Variants in HPCAL1 observed in about 807,000 individuals in gnomAD.
HPCAL1 encodes hippocalcin-like protein 1.
HPCAL1 carries 8 observed loss-of-function variants against 17.1 expected under a neutral mutation model. The observed-to-expected ratio is 0.47, with a 90% confidence interval of 0.27 to 0.84. HPCAL1 has a LOEUF of 0.84. Among genes scored for constraint, HPCAL1 ranks in the 40% least tolerant of loss-of-function variants. The pLI is 0.13. For missense variants in HPCAL1, 165 were observed against 271.1 expected, an observed-to-expected ratio of 0.61 and a Z score of 2.75; for synonymous variants, 112 against 111.4, an observed-to-expected ratio of 1.01 and a Z score of -0.03.
chr2:10,365,920 A>T lies in HPCAL1; in HGVS notation c.-110-30915A>T, dbSNP rs1666820958. On this transcript the variant is annotated intron_variant, in intron 1 of 4. Transcript: ENST00000307845. This position sits in a 1 kb window ranked among gnomAD's most constrained non-coding sequence, Gnocchi z 4.8. ...TCGGCCTCCCATTGAGATCAGCTATACGTGATATAGACCAGGGATGCACGC... is the reference window on the plus strand; with the variant it reads ...TCGGCCTCCCATTGAGATCAGCTATTCGTGATATAGACCAGGGATGCACGC... Among the ~76,000 whole-genome samples, 1 of 152,144 alleles carries T rather than the reference A, an allele frequency of 6.6e-6. No homozygotes were observed. The highest frequency in any genetic ancestry group is 2.4e-5 in the African/African-American group (1 of 41,424).
intron 1 of HPCAL1, among the ~76,000 whole-genome samples, chr2:10,355,450 C>CA (rs34600690): frequency 0.083 from 2,679 of 32,214 alleles, 696 homozygotes; most frequent in East Asian, 0.16. Context: ...GACTCCGTCT[C>CA]AAAAAAAAAA....
intron 1 of HPCAL1, among the ~76,000 whole-genome samples, chr2:10,355,233 C>T (rs891207248): frequency 3.5e-4 from 53 of 151,988 alleles, no homozygotes; most frequent in Non-Finnish European, 6.9e-4. Flanking sequence ...GGGCGGATCA[C>T]GAGGTCAGGA....
At position 10,359,978 on chromosome 2, in the gene HPCAL1, A is replaced by G. The variant is rs1572715205; in HGVS notation, c.-110-36857A>G. 6.6e-6 allele frequency among the ~76,000 whole-genome samples: 1 copy of G among 151,736 alleles called. No homozygotes were observed. The highest frequency in any genetic ancestry group is 2.1e-4 in the South Asian group (1 of 4,834). Reference sequence around the variant, plus strand: ...CCACCAGGTTTGATGTGGGCTGAGCACACCGTCACTAACTCATTCCTTCAT... The same window carrying G: ...CCACCAGGTTTGATGTGGGCTGAGCGCACCGTCACTAACTCATTCCTTCAT... On this transcript the variant is annotated intron_variant, in intron 1 of 4. Coordinates refer to ENST00000307845, the MANE Select transcript of HPCAL1 (RefSeq NM_002149.4). This position sits in a 1 kb window ranked among gnomAD's most constrained non-coding sequence, Gnocchi z 4.1.
rs6432093 is a variant in HPCAL1, at chr2:10,367,770, C to T, written c.-110-29065C>T. On this transcript the variant is annotated intron_variant, in intron 1 of 4. Coordinates refer to ENST00000307845, the MANE Select transcript of HPCAL1 (RefSeq NM_002149.4). This position sits in a 1 kb window ranked among gnomAD's most constrained non-coding sequence, Gnocchi z 4.4. ...GCTGGAGTGGAGGGTGACAGAGCTT[C>T]GGACATGAGCAGCCTCTGCTGCTGC... Among the ~76,000 whole-genome samples the T allele has an allele frequency of 1.1e-3, 166 of 152,240 alleles. No individual in the cohort carries two copies. The highest frequency in any genetic ancestry group is 3.7e-3 in the African/African-American group (154 of 41,532).
chr2:10,424,844 G>T (rs1179726108), intron 4 of HPCAL1: 3 of 340,736 alleles, frequency 8.8e-6, no homozygotes, highest in Non-Finnish European at 1.2e-5. Flanking sequence ...CCTGGAGTTT[G>T]CCCCAACTTC....
rs79951063 is a variant in HPCAL1, at chr2:10,326,035, G to A, written c.-111+22858G>A. On this transcript the variant is annotated intron_variant, in intron 1 of 4. Transcript: ENST00000307845. ...GTGTTTGCTTGGAAGTGAGGCCCAC[G>A]AGGCTGCAGAGGGCCATGAGATTCA... Among the ~76,000 whole-genome samples, 751 of 152,308 alleles carry A rather than the reference G, an allele frequency of 4.9e-3. 6 individuals are homozygous for A. The highest frequency in any genetic ancestry group is 0.017 in the African/African-American group (711 of 41,568).
intron 2 of HPCAL1, among the ~76,000 whole-genome samples, chr2:10,402,589 A>G (rs1669691413): frequency 6.6e-6 from 1 of 152,226 alleles, no homozygotes; most frequent in Admixed American, 6.5e-5. Context: ...GGCGGCTGGA[A>G]CATCACCATT....
At chr2:10,411,087 C>T (rs780449506) in intron 2 of HPCAL1, among the ~76,000 whole-genome samples, 38 of 152,108 alleles carry the variant, frequency 2.5e-4, no homozygotes, top group Admixed American at 6.5e-4. Flanking sequence ...TGTGTGTGGC[C>T]GTCACCTTCA....
chr2:10,409,956 A>T (rs1264822258), intron 2 of HPCAL1, among the ~76,000 whole-genome samples: 1 of 151,846 alleles, frequency 6.6e-6, no homozygotes, highest in Non-Finnish European at 1.5e-5. Context: ...GCACCCAGCT[A>T]ATTTTTTATA....
At chr2:10,379,200 C>A (rs370097386) in intron 1 of HPCAL1, among the ~76,000 whole-genome samples, 1 of 151,892 alleles carries the variant, frequency 6.6e-6, no homozygotes, top group Admixed American at 6.6e-5. Flanking sequence ...TGGGCCAGTG[C>A]GTGATTCCGA....
intron 1 of HPCAL1, among the ~76,000 whole-genome samples, chr2:10,379,549 C>T (rs1177681263): frequency 1.3e-5 from 2 of 151,932 alleles, no homozygotes; most frequent in Admixed American, 6.6e-5. Context: ...TCCGATGGCC[C>T]GGCCTCCAAG....
rs529490602 is a variant in HPCAL1 at position 10,331,336 on chromosome 2, C to G, written c.-111+28159C>G. On this transcript the variant is annotated intron_variant, in intron 1 of 4. Transcript: ENST00000307845. The surrounding 1 kb of genome is among the most constrained non-coding windows in gnomAD (Gnocchi z 5.0). Reference sequence around the variant, plus strand: ...GAGCGCCCTCTCCTTCCTCACCTCGCCACCTACGCATCGTCACCCCTCCTC... The same window carrying G: ...GAGCGCCCTCTCCTTCCTCACCTCGGCACCTACGCATCGTCACCCCTCCTC... 6.6e-6 allele frequency among the ~76,000 whole-genome samples: 1 copy of G among 152,156 alleles called. No homozygotes were observed. Among genetic ancestry groups the G allele is most frequent in the Non-Finnish European group, 1.5e-5 (1 of 68,024 alleles).
intron 2 of HPCAL1, among the ~76,000 whole-genome samples, chr2:10,399,230 C>CGCTGCCGCT (rs1558517410): frequency 2.1e-5 from 3 of 144,846 alleles, no homozygotes; most frequent in East Asian, 2.0e-4. Context: ...CCACCACCAC[C>CGCTGCCGCT]ACCACCACCA....
intron 2 of HPCAL1, among the ~76,000 whole-genome samples, chr2:10,399,880 CCT>C (rs1311941035): frequency 4.6e-5 from 7 of 152,272 alleles, no homozygotes; most frequent in Admixed American, 4.6e-4. Flanking sequence ...GAGCACGTAC[CCT>C]GTGTCAGACA....
At position 10,394,382 on chromosome 2, in the gene HPCAL1, C is replaced by G. The variant is rs1011211921; in HGVS notation, c.-110-2453C>G. Among the ~76,000 whole-genome samples the G allele has an allele frequency of 2.0e-4, 30 of 152,122 alleles. No homozygotes were observed. The highest frequency in any genetic ancestry group is 1.5e-3 in the Admixed American group (23 of 15,278). ...GCTGGGTTTCTCCTCGTGGAGAGCCCTTGACCCTGTCCAGGTCTTGATTTC... is the reference window on the plus strand; with the variant it reads ...GCTGGGTTTCTCCTCGTGGAGAGCCGTTGACCCTGTCCAGGTCTTGATTTC... On this transcript the variant is annotated intron_variant, in intron 1 of 4. Transcript: ENST00000307845. The surrounding 1 kb of genome is among the most constrained non-coding windows in gnomAD (Gnocchi z 5.0).
intron 2 of HPCAL1, among the ~76,000 whole-genome samples, chr2:10,411,567 C>T (rs1168958646): frequency 6.6e-6 from 1 of 152,216 alleles, no homozygotes; most frequent in Admixed American, 6.5e-5. Context: ...AGCGACTCCC[C>T]TGGACCCCAC....
At chr2:10,400,048 G>A (rs575706938) in intron 2 of HPCAL1, among the ~76,000 whole-genome samples, 143 of 152,316 alleles carry the variant, frequency 9.4e-4, no homozygotes, top group African/African-American at 3.1e-3. Flanking sequence ...ATGAGTGTCG[G>A]TTTTGGATAG....
Position 10,384,262 on chromosome 2 carries a change from C to T in HPCAL1, c.-110-12573C>T, listed in dbSNP as rs1668164621. Among the ~76,000 whole-genome samples, 2 of 152,178 alleles carry T rather than the reference C, an allele frequency of 1.3e-5. No individual in the cohort carries two copies. The highest frequency in any genetic ancestry group is 4.8e-5 in the African/African-American group (2 of 41,444). On this transcript the variant is annotated intron_variant, in intron 1 of 4. Coordinates refer to ENST00000307845, the MANE Select transcript of HPCAL1 (RefSeq NM_002149.4). This position sits in a 1 kb window ranked among gnomAD's most constrained non-coding sequence, Gnocchi z 4.4. ...ACATCAGATGAGCTGCTTCCCCTCA[C>T]TAGGAGTGGATGGGGCTGCCAGTGG...
chr2:10,402,425 G>C (rs991470553), intron 2 of HPCAL1, among the ~76,000 whole-genome samples: 2 of 152,194 alleles, frequency 1.3e-5, no homozygotes, highest in Non-Finnish European at 1.5e-5. Context: ...CTCTGGTGCT[G>C]TGATTTAAAG....
Sources: gnomAD v4.1 joint callset for allele counts (sites outside exome capture counted in the v4.1 genomes callset) on GRCh38, gnomAD v4.1.1 for gene constraint, Gnocchi (gnomAD v3.1) non-coding constraint, MANE v1.5 for transcripts, NCBI Gene and HGNC (gene_info 2026-07-23, HGNC 2026-07-21) for gene names.